TCAIM: variants seen among roughly 807,000 people sequenced by gnomAD.
The protein encoded by TCAIM is T-cell activation inhibitor, mitochondrial.
A neutral mutation model predicts 58.6 loss-of-function variants in TCAIM; 36 were observed. That is an observed-to-expected ratio of 0.61 (90% CI 0.47 to 0.81). The LOEUF (loss-of-function observed/expected upper bound fraction) is 0.81. TCAIM is among the 30% of genes least tolerant of loss of function. The pLI is 0.00. For synonymous variants in TCAIM, 172 were observed against 193.6 expected, an observed-to-expected ratio of 0.89 and a Z score of 0.93; for missense variants, 466 against 579.6, an observed-to-expected ratio of 0.80 and a Z score of 2.01.
At chr3:44,338,710 A>T (rs983041655), upstream of TCAIM, 1 of 152,284 alleles carries the variant, frequency 6.6e-6, no homozygotes, top group African/African-American at 2.4e-5. Context: ...TGGCCAGCTG[A>T]CGCCCCAGTG....
At chr3:44,358,022 C>T in intron 3 of TCAIM, 146 bp downstream of exon 3, 1 of 1,366,358 alleles carries the variant, frequency 7.3e-7, no homozygotes, top group Non-Finnish European at 9.6e-7. Context: ...AATGTAGATA[C>T]TGAAAATTGA....
At chr3:44,353,149 G>A (rs1241903341) in intron 1 of TCAIM, among the ~76,000 whole-genome samples, 2 of 152,046 alleles carry the variant, frequency 1.3e-5, no homozygotes. Flanking sequence ...TCTAACTCCT[G>A]ACCTCAGGTG....
intron 6 of TCAIM, 47 bp from the exon 7 acceptor site, chr3:44,396,353 C>A: frequency 3.2e-6 from 5 of 1,559,882 alleles, no homozygotes; most frequent in African/African-American, 1.4e-5. Context: ...CTCGCTCCGT[C>A]TTCAGGGTGC....
chr3:44,387,085 C>G (rs1701755605), intron 5 of TCAIM, among the ~76,000 whole-genome samples: 1 of 152,196 alleles, frequency 6.6e-6, no homozygotes, highest in Non-Finnish European at 1.5e-5. Flanking sequence ...CAGACTCATG[C>G]TGACATTGGG....
intron 8 of TCAIM, among the ~76,000 whole-genome samples, chr3:44,399,169 A>T (rs1185579895): frequency 6.6e-6 from 1 of 152,216 alleles, no homozygotes; most frequent in East Asian, 1.9e-4. Flanking sequence ...AAAACTGATG[A>T]ACTCTGAGTA....
rs147603681 is a variant in TCAIM at position 44,378,678 on chromosome 3, G to T, written c.572+10970G>T. Among the ~76,000 whole-genome samples, 50 of 152,086 alleles carry T rather than the reference G, an allele frequency of 3.3e-4. No individual in the cohort carries two copies. The East Asian group carries it at 5.3e-3, about 16-fold the overall frequency. The stretch of plus-strand genomic sequence containing the variant: ...TACAAAAAATTAGCCAGGCATGGTG[G>T]CAGGTGCCTGTAATCTCAGCTATTC... On this transcript the variant is annotated intron_variant, in intron 5 of 10. Coordinates refer to ENST00000342649, the MANE Select transcript of TCAIM (RefSeq NM_173826.4).
chr3:44,349,388 C>T lies in TCAIM; in HGVS notation c.-44-5351C>T, dbSNP rs542299599. The stretch of plus-strand genomic sequence containing the variant: ...AGCGGTATTGCAGAAGAAAATAAGG[C>T]GTTTAGGTTTTAGGTTAGGTGTGAG... On this transcript the variant is annotated intron_variant, in intron 1 of 10. Coordinates refer to ENST00000342649, the MANE Select transcript of TCAIM (RefSeq NM_173826.4). 9.9e-5 allele frequency among the ~76,000 whole-genome samples: 15 copies of T among 152,090 alleles called. No individual in the cohort carries two copies. In the East Asian group the frequency reaches 1.7e-3, roughly 18 times the overall value.
chr3:44,392,731 T>G, intron 5 of TCAIM, 124 bp from the exon 6 acceptor site: 1 of 840,588 alleles, frequency 1.2e-6, no homozygotes, highest in Non-Finnish European at 1.8e-6. Context: ...TGTCATTGAT[T>G]GGCATTTAGG....
intron 5 of TCAIM, among the ~76,000 whole-genome samples, chr3:44,390,225 C>G (rs1701812549): frequency 6.6e-6 from 1 of 152,154 alleles, no homozygotes; most frequent in African/African-American, 2.4e-5. Flanking sequence ...TTTCAATATT[C>G]TAAACCTGAT....
chr3:44,355,428 G>A (rs895532569), intron 2 of TCAIM, among the ~76,000 whole-genome samples: 1 of 152,180 alleles, frequency 6.6e-6, no homozygotes, highest in Non-Finnish European at 1.5e-5. Flanking sequence ...CTAAGGAGTG[G>A]ATTTATTCTG....
intron 5 of TCAIM, among the ~76,000 whole-genome samples, chr3:44,383,603 G>C (rs1701687521): frequency 6.6e-6 from 1 of 152,066 alleles, no homozygotes; most frequent in Non-Finnish European, 1.5e-5. Context: ...AAGATGAAAA[G>C]AGTTCTGAAA....
intron 10 of TCAIM, among the ~76,000 whole-genome samples, chr3:44,405,794 A>G (rs530298040): frequency 1.3e-5 from 2 of 151,282 alleles, no homozygotes; most frequent in African/African-American, 2.4e-5. Flanking sequence ...TGCCTCTACT[A>G]TAGAAAAAAC....
intron 2 of TCAIM, among the ~76,000 whole-genome samples, chr3:44,356,463 G>C (rs1245201316): frequency 6.6e-6 from 1 of 151,916 alleles, no homozygotes; most frequent in Non-Finnish European, 1.5e-5. Context: ...GGGTACAGAG[G>C]TTGAGCCAAG....
intron 5 of TCAIM, among the ~76,000 whole-genome samples, chr3:44,372,248 T>A (rs1701490218): frequency 6.6e-6 from 1 of 152,200 alleles, no homozygotes; most frequent in African/African-American, 2.4e-5. Context: ...CTGATTTTTT[T>A]ATATCTGTAA....
intron 3 of TCAIM, among the ~76,000 whole-genome samples, 172 bp downstream of exon 3, chr3:44,358,048 T>A (rs1209936490): frequency 2.0e-5 from 3 of 152,214 alleles, no homozygotes; most frequent in Non-Finnish European, 1.5e-5. Context: ...GAGCTTTTTT[T>A]ATGAAAGCTG....
intron 1 of TCAIM, among the ~76,000 whole-genome samples, chr3:44,351,187 C>G (rs940537947): frequency 2.0e-5 from 3 of 152,094 alleles, no homozygotes; most frequent in African/African-American, 7.2e-5. Context: ...CAGGGTTTCT[C>G]CATGTTGGCC....
At chr3:44,338,551 G>C (rs1456793882), upstream of TCAIM, 3 of 152,580 alleles carry the variant, frequency 2.0e-5, no homozygotes, top group Non-Finnish European at 4.4e-5. Context: ...GGAGCGGGGA[G>C]GGTGTTGGGG....
chr3:44,398,434 A>G (rs1445286215), intron 8 of TCAIM, among the ~76,000 whole-genome samples: 1 of 145,328 alleles, frequency 6.9e-6, no homozygotes, highest in Admixed American at 7.1e-5. Flanking sequence ...TGTCTCAAAT[A>G]GATACAAAGA....
At chr3:44,393,498 A>C (rs904806103) in intron 6 of TCAIM, among the ~76,000 whole-genome samples, 1 of 152,198 alleles carries the variant, frequency 6.6e-6, no homozygotes, top group Non-Finnish European at 1.5e-5. Flanking sequence ...CTATATATAG[A>C]TAAAGAAGTA....
Sources: allele counts gnomAD v4.1 joint callset (sites outside exome capture counted in the v4.1 genomes callset), GRCh38; gene constraint gnomAD v4.1.1; transcripts MANE v1.5; gene names NCBI Gene and HGNC (gene_info 2026-07-23, HGNC 2026-07-21).